Variants in WNK4 observed in about 807,000 individuals in gnomAD.
WNK4 encodes WNK lysine deficient protein kinase 4.
In WNK4, 94 loss-of-function variants were observed where a neutral mutation model predicts 116.2. That is an observed-to-expected ratio of 0.81 (90% CI 0.68 to 0.96). WNK4 has a LOEUF of 0.96. Among genes scored for constraint, WNK4 ranks in the 40% least tolerant of loss-of-function variants. The probability of loss-of-function intolerance (pLI) is 0.00; values close to 1 mark genes in which losing one functional copy is unlikely to be tolerated. For missense variants in WNK4, 1,542 were observed against 1,650.6 expected, an observed-to-expected ratio of 0.93 and a Z score of 1.14; for synonymous variants, 655 against 672.7, an observed-to-expected ratio of 0.97 and a Z score of 0.41.
chr17:42,783,882 C>G (rs1568026879), intron 2 of WNK4, 55 bp from the exon 3 acceptor site: 1 of 1,532,110 alleles, frequency 6.5e-7, no homozygotes, highest in Non-Finnish European at 8.9e-7. Flanking sequence ...GTGGGGGGCT[C>G]CTTCCCGGAG....
At position 42,794,797 on chromosome 17, in the gene WNK4, G is replaced by A; in HGVS notation, c.2376G>A (p.Leu792=). The change falls in exon 14 of 19, where the codon CTG becomes CTA. Residue 792 remains leucine (L), a synonymous_variant. Transcript: ENST00000246914. Reference sequence around the variant, plus strand: ...AAGAGCTCCAGAGCAGCACCTCCCTGGAGCACAGGAGCTGGACAGCCTTCT... The same window carrying A: ...AAGAGCTCCAGAGCAGCACCTCCCTAGAGCACAGGAGCTGGACAGCCTTCT... ...SNEELQSSTS[L]EHRSWTAFST... is the part of the protein sequence containing the mutation. 6.2e-7 allele frequency: 1 copy of A among 1,613,894 alleles called. No individual in the cohort carries two copies. The highest frequency in any genetic ancestry group is 2.2e-5 in the East Asian group (1 of 44,858).
chr17:42,789,706 AAAT>A (rs1261136433), intron 11 of WNK4, among the ~76,000 whole-genome samples: 1 of 149,154 alleles, frequency 6.7e-6, no homozygotes, highest in East Asian at 2.0e-4. Flanking sequence ...ATAAATAAAT[AAAT>A]AGAGAGGCAG....
chr17:42,792,468 G>T lies in WNK4; in HGVS notation c.2158-1124G>T, dbSNP rs567068571. 2.6e-5 allele frequency among the ~76,000 whole-genome samples: 4 copies of T among 152,278 alleles called. No homozygotes were observed. In the South Asian group the frequency reaches 6.2e-4, roughly 24 times the overall value. Reference sequence around the variant, plus strand: ...ATATTAAGTATATTCACATTGCTGTGAAACAGATCTCCAGGGGTTTTCTTA... The same window carrying T: ...ATATTAAGTATATTCACATTGCTGTTAAACAGATCTCCAGGGGTTTTCTTA... On this transcript the variant is annotated intron_variant, in intron 11 of 18. Transcript: ENST00000246914.
chr17:42,790,699 G>A (rs755661325), intron 11 of WNK4, among the ~76,000 whole-genome samples: 1 of 152,104 alleles, frequency 6.6e-6, no homozygotes, highest in Non-Finnish European at 1.5e-5. Flanking sequence ...TGAGGAGAGA[G>A]TTTCAAGGAG....
rs931131450 is a variant in WNK4 at position 42,782,557 on chromosome 17, T to A, written c.619-201T>A. On this transcript the variant is annotated intron_variant, in intron 1 of 18. Transcript: ENST00000246914. This position sits in a 1 kb window ranked among gnomAD's most constrained non-coding sequence, Gnocchi z 4.2. ...TCTAGGGGGCTGCCCCAGGCCCAGG[T>A]TGGGTGTGTCCTTGGATCAGCTTAC... Among the ~76,000 whole-genome samples, 4 of 152,142 alleles carry A rather than the reference T, an allele frequency of 2.6e-5. No homozygotes were observed. Among genetic ancestry groups the A allele is most frequent in the Non-Finnish European group, 5.9e-5 (4 of 68,010 alleles).
In WNK4 at chr17:42,787,374, C is replaced by T. The variant is rs145020225; in HGVS notation, c.1573C>T (p.Arg525Cys). 1.4e-5 allele frequency: 23 copies of T among 1,614,036 alleles called. No homozygotes were observed. The highest frequency in any genetic ancestry group is 1.2e-4 in the Admixed American group (7 of 60,000). ...CATCCAGCGAAAGCGTGAGAAGCTG[C>T]GTAAAGCAAGGGAATTGGAGGCACT... ...AAIQRKREKL[R>C]KARELEALPP... The change falls in exon 7 of 19, where the codon CGT becomes TGT. Residue 525 changes from arginine to cysteine, a missense_variant. Physicochemically the swap from Arg to Cys is radical, Grantham distance 180. Coordinates refer to ENST00000246914, the MANE Select transcript of WNK4 (RefSeq NM_032387.5).
At chr17:42,792,618 C>G (rs1440406452) in intron 11 of WNK4, among the ~76,000 whole-genome samples, 1 of 152,156 alleles carries the variant, frequency 6.6e-6, no homozygotes, top group Non-Finnish European at 1.5e-5. Context: ...TTACGGGCTG[C>G]CTTGCAGTAA....
At chr17:42,791,965 T>C (rs866593355) in intron 11 of WNK4, among the ~76,000 whole-genome samples, 1 of 149,350 alleles carries the variant, frequency 6.7e-6, no homozygotes. Flanking sequence ...AAAAAAAAAA[T>C]AATAATGTAC....
rs111276424 is a variant in WNK4 at position 42,784,977 on chromosome 17, A to C, written c.1171-120A>C. 2.1e-5 allele frequency: 19 copies of C among 924,878 alleles called. No individual in the cohort carries two copies. The highest frequency in any genetic ancestry group is 2.0e-4 in the African/African-American group (12 of 58,538). 57.3% of individuals were successfully genotyped at this position (924,878 alleles called of 1,614,324 possible). ...GAAATCACATCTTCCAGTAGCAGTC[A>C]GGCTTTTGCAACTGCACGCGCAGCT... On this transcript the variant is annotated intron_variant, in intron 4 of 18. Coordinates refer to ENST00000246914, the MANE Select transcript of WNK4 (RefSeq NM_032387.5). This position sits in a 1 kb window ranked among gnomAD's most constrained non-coding sequence, Gnocchi z 4.4.
chr17:42,788,063 T>C (rs2054570482), intron 8 of WNK4, 67 bp from the exon 9 acceptor site: 1 of 1,600,270 alleles, frequency 6.2e-7, no homozygotes, highest in South Asian at 1.1e-5. Flanking sequence ...CCAGCATCCT[T>C]GACACCATCT....
intron 11 of WNK4, among the ~76,000 whole-genome samples, chr17:42,789,665 A>AAAAT (rs3138622): frequency 0.092 from 13,200 of 143,032 alleles, 885 homozygotes; most frequent in African/African-American, 0.18. Flanking sequence ...ATTCTGTCTA[A>AAAAT]AAATAAATAA....
At chr17:42,791,483 T>C (rs1003116810) in intron 11 of WNK4, among the ~76,000 whole-genome samples, 2 of 150,240 alleles carry the variant, frequency 1.3e-5, no homozygotes, top group South Asian at 2.1e-4. Context: ...TACTAAAAAA[T>C]ACAAAATTAG....
chr17:42,783,849 G>C (rs1247698044), intron 2 of WNK4, 88 bp from the exon 3 acceptor site: 2 of 1,275,670 alleles, frequency 1.6e-6, no homozygotes, highest in African/African-American at 2.9e-5. Context: ...CGGCAGCAGG[G>C]TGCGGCAGGG....
chr17:42,796,617 G>A, intron 18 of WNK4, 39 bp downstream of exon 18: 1 of 1,614,200 alleles, frequency 6.2e-7, no homozygotes. Context: ...CCAGGGAATG[G>A]TACCTGGCTG....
Position 42,794,790 on chromosome 17 carries a change from C to A in WNK4, c.2369C>A (p.Thr790Asn), listed in dbSNP as rs56227191. The change falls in exon 14 of 19, where the codon ACC (threonine) becomes AAC (asparagine). Residue 790 changes from threonine to asparagine, a missense_variant. Thr to Asn is a moderately conservative substitution (Grantham distance 65). Around this residue, in one of 7 missense-constraint regions of WNK4, gnomAD observed 808 missense variants for 873.6 expected, o/e 0.92. Transcript: ENST00000246914. The part of the protein sequence containing the change: ...DPSNEELQSS[T>N]SLEHRSWTAF... ...TTCCCAGAAGAGCTCCAGAGCAGCA[C>A]CTCCCTGGAGCACAGGAGCTGGACA... 4.6e-3 allele frequency: 7,452 copies of A among 1,614,044 alleles called. 22 individuals carry two copies. Among genetic ancestry groups the A allele is most frequent in the Non-Finnish European group, 5.8e-3 (6,896 of 1,180,006 alleles).
chr17:42,784,310 C>T lies in WNK4; in HGVS notation c.1013-112C>T. 6.5e-7 allele frequency: 1 copy of T among 1,546,068 alleles called. No individual in the cohort carries two copies. The highest frequency in any genetic ancestry group is 1.9e-5 in the Admixed American group (1 of 53,636). ...AGACCTATGGCACCCACCTCAACCC[C>T]ACTGTGGGCCGGGGTCACTTGCACT... On this transcript the variant is annotated intron_variant, in intron 3 of 18. Transcript: ENST00000246914. The surrounding 1 kb of genome is among the most constrained non-coding windows in gnomAD (Gnocchi z 4.4).
rs748218580 is a variant in WNK4, at chr17:42,780,853, C to T, written c.155C>T (p.Pro52Leu). 2.8e-5 allele frequency: 45 copies of T among 1,602,636 alleles called. No homozygotes were observed. In the South Asian group the frequency reaches 4.5e-4, roughly 16 times the overall value. Residue 52 changes from proline to leucine, a missense_variant, in exon 1 of 19, where the codon CCC (proline) becomes CTC (leucine). Coordinates refer to ENST00000246914, the MANE Select transcript of WNK4 (RefSeq NM_032387.5). The stretch of plus-strand genomic sequence containing the variant: ...CGCCGCTTCTCCGGGAAGGCTGAGC[C>T]CCGGCCGCGCTCTTCTCGTCTCAGC... ...RARRFSGKAE[P>L]RPRSSRLSRR...
Position 42,781,070 on chromosome 17 carries a change from T to C in WNK4, c.372T>C (p.Arg124=). The stretch of plus-strand genomic sequence containing the variant: ...TGAAGGCTGCGGAAGACTCCGCGCG[T>C]CCCGAGCTCCCGGACTCTGCAGTGG... ...APVKAAEDSA[R]PELPDSAVGP... The change falls in exon 1 of 19, where the codon CGT becomes CGC. Residue 124 remains arginine, a synonymous_variant. Coordinates refer to ENST00000246914, the MANE Select transcript of WNK4 (RefSeq NM_032387.5). The C allele has an allele frequency of 6.2e-7, 1 of 1,612,282 alleles. No individual in the cohort carries two copies. Among genetic ancestry groups the C allele is most frequent in the South Asian group, 1.1e-5 (1 of 91,030 alleles).
In WNK4 at chr17:42,782,987, T is replaced by C. The variant is rs763886755; in HGVS notation, c.791+57T>C. 25 of 1,591,448 alleles carry C rather than the reference T, an allele frequency of 1.6e-5. No individual in the cohort carries two copies. Among genetic ancestry groups the C allele is most frequent in the Non-Finnish European group, 2.1e-5 (24 of 1,167,536 alleles). On this transcript the variant is annotated intron_variant, in intron 2 of 18. Coordinates refer to ENST00000246914, the MANE Select transcript of WNK4 (RefSeq NM_032387.5). The surrounding 1 kb of genome is among the most constrained non-coding windows in gnomAD (Gnocchi z 4.2). ...GGAGGCTGGGATGTGTGCCCACTGC[T>C]TCCTGAACTCCCAGGCTCCTCAAAC...
Sources: allele counts gnomAD v4.1 joint callset (sites outside exome capture counted in the v4.1 genomes callset), GRCh38; gene constraint gnomAD v4.1.1; regional missense constraint gnomAD v4.1.1; non-coding constraint Gnocchi (gnomAD v3.1); transcripts MANE v1.5; gene names NCBI Gene and HGNC (gene_info 2026-07-23, HGNC 2026-07-21).